Variants in PALS2 observed in about 807,000 individuals in gnomAD.
The protein encoded by PALS2 is protein associated with LIN7 2, MAGUK p55 family member.
A neutral mutation model predicts 61.6 loss-of-function variants in PALS2; 27 were observed. The ratio of observed to expected loss-of-function variants is 0.44; its 90% CI spans 0.32 to 0.60. The LOEUF (loss-of-function observed/expected upper bound fraction) is 0.60. Ranked by LOEUF, PALS2 falls within the 20% of genes least tolerant of loss-of-function variation. The pLI is 0.05. For synonymous variants in PALS2, 236 were observed against 218.6 expected (o/e 1.08, Z -0.70); for missense variants, 554 against 639.4 (o/e 0.87, Z 1.44).
intron 5 of PALS2, among the ~76,000 whole-genome samples, chr7:24,651,137 G>T (rs900567139): frequency 6.6e-6 from 1 of 151,954 alleles, no homozygotes; most frequent in Non-Finnish European, 1.5e-5. Context: ...AAAGAGGATG[G>T]GTATAAAGAA....
chr7:24,680,720 C>T (rs554601877), intron 11 of PALS2, among the ~76,000 whole-genome samples, 200 bp downstream of exon 11: 19 of 152,298 alleles, frequency 1.2e-4, no homozygotes, highest in African/African-American at 4.3e-4. Flanking sequence ...CTCAGCCTCC[C>T]AAGTAGCTGG....
At chr7:24,580,954 G>T (rs907964295) in intron 1 of PALS2, among the ~76,000 whole-genome samples, 1 of 152,130 alleles carries the variant, frequency 6.6e-6, no homozygotes, top group South Asian at 2.1e-4. Context: ...ATCTTTTTAT[G>T]ATTGTATTAG....
intron 3 of PALS2, among the ~76,000 whole-genome samples, chr7:24,645,302 A>G (rs1311541603): frequency 6.6e-6 from 1 of 152,116 alleles, no homozygotes; most frequent in African/African-American, 2.4e-5. Flanking sequence ...TGTACTATAT[A>G]AAGAAGGGGC....
At chr7:24,658,064 A>C (rs1786516424) in intron 5 of PALS2, among the ~76,000 whole-genome samples, 1 of 152,134 alleles carries the variant, frequency 6.6e-6, no homozygotes, top group Non-Finnish European at 1.5e-5. Context: ...CATGTATATT[A>C]GGCCCATTGA....
chr7:24,597,178 G>C (rs1001052756), intron 1 of PALS2: 3 of 152,124 alleles, frequency 2.0e-5, no homozygotes, highest in Admixed American at 6.6e-5. Flanking sequence ...CGTAAAGAAG[G>C]CAGTTGAAGA....
chr7:24,629,001 A>G (rs1297223670), intron 2 of PALS2, among the ~76,000 whole-genome samples: 1 of 152,194 alleles, frequency 6.6e-6, no homozygotes, highest in Non-Finnish European at 1.5e-5. Context: ...TTTAAATTTC[A>G]TATGGAACCA....
rs907481850 is a variant in PALS2, at chr7:24,691,788, G to C, written c.*4174G>C. 19 of 152,028 alleles carry C rather than the reference G, an allele frequency of 1.2e-4. No homozygotes were observed. The highest frequency in any genetic ancestry group is 4.6e-4 in the African/African-American group (19 of 41,522). The allele number at this position is 152,028 out of a possible 1,614,324, so 9.4% of individuals were successfully genotyped here. A position where few individuals can be genotyped will look rare whatever the true frequency, so the allele number is the denominator to read the frequency against. ...GATTCAGGCTGAGATTATGATACCT[G>C]CCCTTGTCTTATTTCAAGAGGTTTG... On this transcript the variant is annotated 3_prime_UTR_variant, in exon 12 of 12. Coordinates refer to ENST00000222644, the MANE Select transcript of PALS2 (RefSeq NM_001303037.2).
chr7:24,635,565 AACC>A (rs1330182229), intron 2 of PALS2, among the ~76,000 whole-genome samples: 3 of 152,148 alleles, frequency 2.0e-5, no homozygotes, highest in Non-Finnish European at 2.9e-5. Context: ...TCCTGGCTAT[AACC>A]TCCAGTACAA....
At chr7:24,621,538 T>TA (rs1784519721) in intron 1 of PALS2, among the ~76,000 whole-genome samples, 1 of 152,006 alleles carries the variant, frequency 6.6e-6, no homozygotes, top group African/African-American at 2.4e-5. Context: ...AGAAAATAGA[T>TA]AATGTCCAAA....
At chr7:24,621,293 A>G (rs1198558273) in intron 1 of PALS2, among the ~76,000 whole-genome samples, 1 of 152,120 alleles carries the variant, frequency 6.6e-6, no homozygotes, top group Non-Finnish European at 1.5e-5. Context: ...CCAAGTTAAC[A>G]TACAAGAGAA....
chr7:24,622,244 C>A (rs1784550263), intron 1 of PALS2, among the ~76,000 whole-genome samples: 1 of 151,862 alleles, frequency 6.6e-6, no homozygotes, highest in Admixed American at 6.6e-5. Flanking sequence ...TGTATTAAAC[C>A]TGTAGGTTAA....
At chr7:24,617,243 ATC>A (rs1156738852) in intron 1 of PALS2, among the ~76,000 whole-genome samples, 1 of 152,036 alleles carries the variant, frequency 6.6e-6, no homozygotes, top group Non-Finnish European at 1.5e-5. Flanking sequence ...GTTTTCTAAT[ATC>A]TCTCTCTTTT....
At chr7:24,664,071 A>C (rs1296981824) in intron 6 of PALS2, among the ~76,000 whole-genome samples, 1 of 152,156 alleles carries the variant, frequency 6.6e-6, no homozygotes, top group Non-Finnish European at 1.5e-5. Flanking sequence ...GTTTATTTTA[A>C]GTAGGAGACT....
At chr7:24,583,043 T>C (rs897369304) in intron 1 of PALS2, among the ~76,000 whole-genome samples, 1 of 151,688 alleles carries the variant, frequency 6.6e-6, no homozygotes, top group African/African-American at 2.4e-5. Flanking sequence ...TACAGATGTG[T>C]GCCACCACGC....
Position 24,675,009 on chromosome 7 carries a change from A to C in PALS2, c.1115-4122A>C, listed in dbSNP as rs115654053. Among the ~76,000 whole-genome samples, 791 of 152,360 alleles carry C rather than the reference A, an allele frequency of 5.2e-3. 7 individuals are homozygous for C. Among genetic ancestry groups the C allele is most frequent in the African/African-American group, 0.017 (723 of 41,594 alleles). ...GCGCAGTATAGAAGTCTAAGGAATC[A>C]GTTGTAGTCAAACCTTCATGTTCTA... On this transcript the variant is annotated intron_variant, in intron 9 of 11. Coordinates refer to ENST00000222644, the MANE Select transcript of PALS2 (RefSeq NM_001303037.2).
At chr7:24,648,721 C>T (rs187737252) in intron 3 of PALS2, among the ~76,000 whole-genome samples, 216 of 151,902 alleles carry the variant, frequency 1.4e-3, no homozygotes, top group Non-Finnish European at 1.9e-3. Flanking sequence ...CTAGCTAACA[C>T]GGTGAAACCC....
intron 1 of PALS2, among the ~76,000 whole-genome samples, chr7:24,595,494 A>C (rs1783471970): frequency 8.1e-6 from 1 of 123,364 alleles, no homozygotes; most frequent in Admixed American, 9.0e-5. Context: ...TATATTATAT[A>C]TTTTTAATAT....
intron 1 of PALS2, among the ~76,000 whole-genome samples, chr7:24,615,469 T>C (rs1225436483): frequency 6.6e-6 from 1 of 151,918 alleles, no homozygotes; most frequent in Non-Finnish European, 1.5e-5. Flanking sequence ...TATATGTCAA[T>C]ACATTTGAAA....
At chr7:24,595,171 G>T (rs1443707319) in intron 1 of PALS2, among the ~76,000 whole-genome samples, 1 of 151,754 alleles carries the variant, frequency 6.6e-6, no homozygotes, top group Non-Finnish European at 1.5e-5. Context: ...TAAATCAAAA[G>T]TTCTTCGTGA....
Sources: gnomAD v4.1 joint callset for allele counts (sites outside exome capture counted in the v4.1 genomes callset) on GRCh38, gnomAD v4.1.1 for gene constraint, MANE v1.5 for transcripts, NCBI Gene and HGNC (gene_info 2026-07-23, HGNC 2026-07-21) for gene names.